The following SMARCA2 variants were observed in gnomAD, a reference collection of about 807,000 sequenced individuals.
The protein encoded by SMARCA2 is SWI/SNF related BAF chromatin remodeling complex subunit ATPase 2, also known as SWI/SNF-related matrix-associated actin-dependent regulator of chromatin subfamily A member 2.
Under a neutral mutation model 199.8 loss-of-function variants are expected in SMARCA2, and 61 were observed. The observed-to-expected ratio is 0.31, with a 90% CI of 0.25 to 0.38. SMARCA2 has a LOEUF of 0.38. Ranked by LOEUF, SMARCA2 falls within the 10% of genes least tolerant of loss-of-function variation. The pLI is 1.00. For synonymous variants in SMARCA2, 935 were observed against 732.0 expected, an observed-to-expected ratio of 1.28 and a Z score of -4.48; for missense variants, 1,344 against 2,012.2, an observed-to-expected ratio of 0.67 and a Z score of 6.35.
chr9:2,121,076 A>G (rs1209776961), intron 26 of SMARCA2, among the ~76,000 whole-genome samples: 1 of 152,232 alleles, frequency 6.6e-6, no homozygotes, highest in Non-Finnish European at 1.5e-5. Flanking sequence ...AAAGCCGCAG[A>G]TACTCTCAAG....
chr9:2,159,931 C>T (rs754333557), intron 27 of SMARCA2: 25 of 1,598,812 alleles, frequency 1.6e-5, no homozygotes, highest in Admixed American at 1.2e-4. Context: ...TTTTCGTTGC[C>T]GTCTTGAAGA....
intron 29 of SMARCA2, among the ~76,000 whole-genome samples, chr9:2,175,990 C>A (rs1049317230): frequency 2.6e-5 from 4 of 152,060 alleles, no homozygotes; most frequent in Non-Finnish European, 4.4e-5. Flanking sequence ...AAGCGATTCT[C>A]CTGCCTCAGC....
rs374065931 is a variant in SMARCA2 at position 2,108,246 on chromosome 9, C to T, written c.3293-2008C>T. 3.3e-5 allele frequency among the ~76,000 whole-genome samples: 5 copies of T among 152,172 alleles called. No individual in the cohort carries two copies. The East Asian group carries it at 9.6e-4, about 29-fold the overall frequency. ...GCTGGCCAAAGTTCCTGAAAAACAA[C>T]TGAAGTAACCATTACCATGGTGACG... On this transcript the variant is annotated intron_variant, in intron 23 of 33. Coordinates refer to ENST00000349721, the MANE Select transcript of SMARCA2 (RefSeq NM_003070.5).
At chr9:2,132,259 G>A (rs545536673) in intron 27 of SMARCA2, among the ~76,000 whole-genome samples, 1 of 152,282 alleles carries the variant, frequency 6.6e-6, no homozygotes, top group African/African-American at 2.4e-5. Context: ...TAAAGAGGTG[G>A]GCTGTGGATT....
intron 3 of SMARCA2, among the ~76,000 whole-genome samples, chr9:2,035,409 T>C (rs895734273): frequency 2.6e-5 from 4 of 152,204 alleles, no homozygotes; most frequent in African/African-American, 4.8e-5. Context: ...TGAAGCCAGG[T>C]GCTTACTTTT....
Position 2,039,844 on chromosome 9 carries a change from A to T in SMARCA2, c.734A>T (p.Gln245Leu), listed in dbSNP as rs760953290. ...QQQQPQQQPP[Q>L]PQTQQQQQPA... ...CAGCAGCCGCAGCAGCAGCCGCCGC[A>T]ACCACAGACGCAGCAACAACAGCAG... The change falls in exon 4 of 34, where the codon CAA becomes CTA. Residue 245 changes from glutamine (Q) to leucine (L), a missense_variant. Gln to Leu is a moderately radical substitution (Grantham distance 113). Around this residue, in one of 18 missense-constraint regions of SMARCA2, gnomAD observed 117 missense variants for 99.1 expected, o/e 1.18. Transcript: ENST00000349721. The surrounding 1 kb of genome is among the most constrained non-coding windows in gnomAD (Gnocchi z 4.8). 7.4e-5 allele frequency: 119 copies of T among 1,613,096 alleles called. No individual in the cohort carries two copies. The highest frequency in any genetic ancestry group is 1.3e-5 in the Non-Finnish European group (15 of 1,179,586).
chr9:2,069,943 C>T (rs997104353), intron 9 of SMARCA2, among the ~76,000 whole-genome samples: 9 of 152,220 alleles, frequency 5.9e-5, no homozygotes, highest in African/African-American at 1.9e-4. Context: ...CTCCCTCCTT[C>T]CCCCCCAGTA....
At chr9:2,173,214 A>G (rs960208421) in intron 29 of SMARCA2, among the ~76,000 whole-genome samples, 2 of 152,176 alleles carry the variant, frequency 1.3e-5, no homozygotes, top group Admixed American at 6.5e-5. Context: ...ATGTGCATGT[A>G]TGTAGTTACC....
chr9:2,159,994 G>T, intron 27 of SMARCA2: 1 of 1,530,188 alleles, frequency 6.5e-7, no homozygotes, highest in East Asian at 2.4e-5. Flanking sequence ...ATCAAAAGCC[G>T]GTGTTCTCCG....
At chr9:2,111,458 C>T (rs1822995001) in intron 24 of SMARCA2, among the ~76,000 whole-genome samples, 2 of 148,510 alleles carry the variant, frequency 1.3e-5, no homozygotes, top group South Asian at 4.3e-4. Flanking sequence ...TACCACCGCT[C>T]TCCAGCCCGG....
At chr9:2,157,080 G>A (rs1825405503) in intron 27 of SMARCA2, among the ~76,000 whole-genome samples, 2 of 152,154 alleles carry the variant, frequency 1.3e-5, no homozygotes, top group Admixed American at 6.5e-5. Context: ...AAGTGCTACA[G>A]TATGCATTAA....
At chr9:2,184,507 A>G (rs1032188675) in intron 31 of SMARCA2, among the ~76,000 whole-genome samples, 4 of 151,432 alleles carry the variant, frequency 2.6e-5, no homozygotes, top group Admixed American at 6.6e-5. Context: ...ATGCACCACC[A>G]TGCCCGGCTA....
At chr9:2,155,470 A>G (rs535922953) in intron 27 of SMARCA2, among the ~76,000 whole-genome samples, 63 of 152,102 alleles carry the variant, frequency 4.1e-4, no homozygotes, top group African/African-American at 1.5e-3. Flanking sequence ...TTTAGTAGAG[A>G]TGGTGTTTCA....
intron 14 of SMARCA2, among the ~76,000 whole-genome samples, chr9:2,081,314 G>A (rs1821557325): frequency 6.6e-6 from 1 of 152,172 alleles, no homozygotes; most frequent in South Asian, 2.1e-4. Flanking sequence ...GTTCCCATGT[G>A]CTGTCTGGGA....
rs878920810 is a variant in SMARCA2, at chr9:2,039,956, A to T, written c.790+56A>T. On this transcript the variant is annotated intron_variant, in intron 4 of 33. Transcript: ENST00000349721. The surrounding 1 kb of genome is among the most constrained non-coding windows in gnomAD (Gnocchi z 4.8). ...CCATGGTCCAACTCGGATAACAAAG[A>T]CTGCTCACCAAAACACCGGGTTGTT... 9.4e-6 allele frequency: 15 copies of T among 1,592,830 alleles called. 1 individual carries two copies. The South Asian group carries it at 1.3e-4, about 14-fold the overall frequency.
rs770042797 is a variant in SMARCA2 at position 2,060,811 on chromosome 9, A to G, written c.1522-5A>G. The G allele has an allele frequency of 1.2e-6, 2 of 1,613,150 alleles. No homozygotes were observed. Among genetic ancestry groups the G allele is most frequent in the South Asian group, 1.1e-5 (1 of 90,942 alleles). Reference sequence around the variant, plus strand: ...GCTCTCATCCTGCTCTTCTTTCCTTAATAGGCTGAAGATGAGGAGGGTTAT... The same window carrying G: ...GCTCTCATCCTGCTCTTCTTTCCTTGATAGGCTGAAGATGAGGAGGGTTAT... On this transcript the variant is annotated splice_polypyrimidine_tract_variant and splice_region_variant and intron_variant, in intron 8 of 33. Coordinates refer to ENST00000349721, the MANE Select transcript of SMARCA2 (RefSeq NM_003070.5).
intron 12 of SMARCA2, among the ~76,000 whole-genome samples, chr9:2,074,752 A>T (rs1282027191): frequency 6.6e-6 from 1 of 152,176 alleles, no homozygotes; most frequent in Admixed American, 6.5e-5. Flanking sequence ...CCGCAGTTCC[A>T]GCTACTCGGG....
chr9:2,126,181 A>T (rs569772274), intron 27 of SMARCA2, among the ~76,000 whole-genome samples: 78 of 152,358 alleles, frequency 5.1e-4, no homozygotes, highest in African/African-American at 1.8e-3. Context: ...AAAAATGGAA[A>T]ATTAGTTTGT....
intron 23 of SMARCA2, among the ~76,000 whole-genome samples, chr9:2,105,783 G>T (rs574583974): frequency 6.6e-6 from 1 of 152,142 alleles, no homozygotes; most frequent in Non-Finnish European, 1.5e-5. Flanking sequence ...GGGGCTGTGG[G>T]GTTGTGGGGC....
Sources: allele counts gnomAD v4.1 joint callset (sites outside exome capture counted in the v4.1 genomes callset), GRCh38; gene constraint gnomAD v4.1.1; regional missense constraint gnomAD v4.1.1; non-coding constraint Gnocchi (gnomAD v3.1); transcripts MANE v1.5; gene names NCBI Gene and HGNC (gene_info 2026-07-23, HGNC 2026-07-21).